SCHIP1: variants seen among roughly 807,000 people sequenced by gnomAD.
The protein encoded by SCHIP1 is schwannomin interacting protein 1.
SCHIP1 carries 8 observed loss-of-function variants against 29.7 expected under a neutral mutation model. The observed-to-expected ratio is 0.27, with a 90% CI of 0.16 to 0.49. SCHIP1 has a LOEUF of 0.49. Among genes scored for constraint, SCHIP1 ranks in the 20% least tolerant of loss-of-function variants. SCHIP1 has a pLI of 0.99. For missense variants in SCHIP1, 193 were observed against 294.6 expected, an observed-to-expected ratio of 0.66 and a Z score of 2.52; for synonymous variants, 76 against 94.9, an observed-to-expected ratio of 0.80 and a Z score of 1.16.
chr3:159,855,609 A>G (rs1004208363), intron 1 of SCHIP1, among the ~76,000 whole-genome samples: 1 of 152,242 alleles, frequency 6.6e-6, no homozygotes, highest in African/African-American at 2.4e-5. Context: ...ATATACACAA[A>G]TAGATATTTT....
the SCHIP1 span, among the ~76,000 whole-genome samples, chr3:159,736,481 C>A: frequency 6.6e-6 from 1 of 152,350 alleles, no homozygotes; most frequent in African/African-American, 2.4e-5. Flanking sequence ...TGACTCCCTT[C>A]TTCCCCAACT....
At chr3:159,587,181 G>A in the SCHIP1 span, among the ~76,000 whole-genome samples, 3 of 152,116 alleles carry the variant, frequency 2.0e-5, no homozygotes, top group Non-Finnish European at 2.9e-5. Context: ...AAAGCAGTTC[G>A]TAATTTTTAA....
chr3:159,383,715 T>C, the SCHIP1 span, among the ~76,000 whole-genome samples: 58,588 of 107,310 alleles, frequency 0.55, 16,580 homozygotes, highest in East Asian at 0.67. Flanking sequence ...GCCATTTTCA[T>C]GATATTGATT....
At chr3:159,437,361 G>T in the SCHIP1 span, among the ~76,000 whole-genome samples, 11 of 152,088 alleles carry the variant, frequency 7.2e-5, no homozygotes, top group South Asian at 6.2e-4. Flanking sequence ...ATAGGTAAAG[G>T]TTCCTCCTCT....
chr3:159,726,068 C>A, the SCHIP1 span, among the ~76,000 whole-genome samples: 11 of 152,232 alleles, frequency 7.2e-5, no homozygotes, highest in East Asian at 2.1e-3. Flanking sequence ...ATATATTACA[C>A]CCTTGCAACC....
At chr3:159,707,857 G>A in the SCHIP1 span, among the ~76,000 whole-genome samples, 12 of 152,240 alleles carry the variant, frequency 7.9e-5, no homozygotes, top group African/African-American at 2.6e-4. Flanking sequence ...TTCCAAGGTA[G>A]CTTCACCCCT....
chr3:159,667,779 C>T, the SCHIP1 span, among the ~76,000 whole-genome samples: 2 of 152,236 alleles, frequency 1.3e-5, no homozygotes, highest in African/African-American at 2.4e-5. Context: ...AGCCCATAAT[C>T]TATAATGAGA....
the SCHIP1 span, among the ~76,000 whole-genome samples, chr3:159,534,960 TAAG>T: frequency 2.0e-5 from 3 of 152,106 alleles, no homozygotes; most frequent in Non-Finnish European, 2.9e-5. Context: ...CTCCCTTTCG[TAAG>T]AAGTTTAGTA....
At chr3:159,765,400 C>T in the SCHIP1 span, 7 of 430,954 alleles carry the variant, frequency 1.6e-5, no homozygotes, top group South Asian at 4.5e-5. Flanking sequence ...GTGGAACCGG[C>T]GACTCATTTT....
chr3:159,630,478 T>A, the SCHIP1 span, among the ~76,000 whole-genome samples: 1 of 152,084 alleles, frequency 6.6e-6, no homozygotes, highest in Non-Finnish European at 1.5e-5. Flanking sequence ...TATATATATA[T>A]ACACCATGGA....
chr3:159,850,163 C>A (rs747643523), intron 1 of SCHIP1, among the ~76,000 whole-genome samples: 1 of 152,164 alleles, frequency 6.6e-6, no homozygotes. Flanking sequence ...TGCGACAATA[C>A]GTGCTGGGTG....
At chr3:159,438,151 G>A in the SCHIP1 span, among the ~76,000 whole-genome samples, 2 of 152,112 alleles carry the variant, frequency 1.3e-5, no homozygotes, top group East Asian at 1.9e-4. Flanking sequence ...TCTTTTGTTT[G>A]ACACAACCTT....
At chr3:159,738,977 T>A in the SCHIP1 span, among the ~76,000 whole-genome samples, 1 of 152,128 alleles carries the variant, frequency 6.6e-6, no homozygotes, top group Non-Finnish European at 1.5e-5. Flanking sequence ...AGGAGCCAGA[T>A]TGAGTAGGCT....
At chr3:159,486,638 GAT>G in the SCHIP1 span, among the ~76,000 whole-genome samples, 1 of 152,220 alleles carries the variant, frequency 6.6e-6, no homozygotes, top group African/African-American at 2.4e-5. Context: ...CCTCATTTGT[GAT>G]ATGTTTCTGC....
At chr3:159,335,114 G>T in the SCHIP1 span, among the ~76,000 whole-genome samples, 1 of 151,854 alleles carries the variant, frequency 6.6e-6, no homozygotes, top group Non-Finnish European at 1.5e-5. Flanking sequence ...TGGCCAGGCT[G>T]GTCTCGAACT....
chr3:159,491,190 C>A, the SCHIP1 span, among the ~76,000 whole-genome samples: 2 of 152,250 alleles, frequency 1.3e-5, no homozygotes, highest in East Asian at 3.9e-4. Context: ...ACACAGAAAA[C>A]GGGTAATTTC....
the SCHIP1 span, among the ~76,000 whole-genome samples, chr3:159,425,899 T>C: frequency 6.6e-6 from 1 of 152,186 alleles, no homozygotes; most frequent in Non-Finnish European, 1.5e-5. Flanking sequence ...CACTCAAAAC[T>C]GCTCAACTAC....
At chr3:159,320,017 A>T in the SCHIP1 span, among the ~76,000 whole-genome samples, 1 of 152,326 alleles carries the variant, frequency 6.6e-6, no homozygotes, top group Non-Finnish European at 1.5e-5. Context: ...ATGTGATGGC[A>T]TTAGAAGGTG....
the SCHIP1 span, among the ~76,000 whole-genome samples, chr3:159,783,735 A>G: frequency 2.6e-5 from 4 of 152,176 alleles, no homozygotes; most frequent in African/African-American, 9.7e-5. Context: ...GGCTCCAGGA[A>G]CTTCTTGAGT....
Sources: gnomAD v4.1 joint callset for allele counts (sites outside exome capture counted in the v4.1 genomes callset) on GRCh38, gnomAD v4.1.1 for gene constraint, MANE v1.5 for transcripts, NCBI Gene and HGNC (gene_info 2026-07-23, HGNC 2026-07-21) for gene names.